NAV1: variants seen among roughly 807,000 people sequenced by gnomAD.
NAV1 encodes the protein neuron navigator 1.
NAV1 carries 18 observed loss-of-function variants against 175.2 expected under a neutral mutation model. The ratio of observed to expected loss-of-function variants is 0.10; its 90% CI spans 0.07 to 0.15. NAV1 has a LOEUF of 0.15. Among genes scored for constraint, NAV1 ranks in the 10% least tolerant of loss-of-function variants. NAV1 has a pLI of 1.00. For synonymous variants in NAV1, 897 were observed against 978.7 expected, an observed-to-expected ratio of 0.92 and a Z score of 1.56; for missense variants, 1,731 against 2,436.6, an observed-to-expected ratio of 0.71 and a Z score of 6.10.
At chr1:201,679,708 C>G (rs1571880032) in intron 1 of NAV1, among the ~76,000 whole-genome samples, 1 of 152,274 alleles carries the variant, frequency 6.6e-6, no homozygotes, top group South Asian at 2.1e-4. Context: ...TGAAGTCATC[C>G]AGCTAGTAAG....
At chr1:201,707,912 C>A (rs184234131) in intron 1 of NAV1, among the ~76,000 whole-genome samples, 2 of 152,254 alleles carry the variant, frequency 1.3e-5, no homozygotes, top group East Asian at 3.9e-4. Context: ...TTTTGAAACA[C>A]CATATTGTAG....
chr1:201,808,463 TGAG>T lies in NAV1; in HGVS notation c.3901_3903del (p.Glu1301del), dbSNP rs1322278312. 1.2e-6 allele frequency: 2 copies of T among 1,614,066 alleles called. No homozygotes were observed. Among genetic ancestry groups the T allele is most frequent in the South Asian group, 1.1e-5 (1 of 91,058 alleles). ...CCCACACTAGGCTGTTCCATGCAAA[TGAG>T]GAGGAGGAGCCAGAGAAGAAGGAGG... On this transcript the variant is annotated inframe_deletion, in exon 19 of 30. Transcript: ENST00000367296. This position sits in a 1 kb window ranked among gnomAD's most constrained non-coding sequence, Gnocchi z 5.5.
At chr1:201,756,882 T>C (rs546837538) in intron 3 of NAV1, among the ~76,000 whole-genome samples, 5 of 125,126 alleles carry the variant, frequency 4.0e-5, no homozygotes, top group East Asian at 2.0e-4. Context: ...CTTTCTTTCT[T>C]TCTCTGTCTT....
intron 1 of NAV1, among the ~76,000 whole-genome samples, chr1:201,710,220 T>C (rs192091491): frequency 1.3e-5 from 2 of 152,144 alleles, no homozygotes; most frequent in Non-Finnish European, 2.9e-5. Flanking sequence ...TTTACTTTTT[T>C]TCATGGGTTT....
intron 1 of NAV1, among the ~76,000 whole-genome samples, chr1:201,551,749 G>C (rs539749542): frequency 6.6e-6 from 1 of 152,110 alleles, no homozygotes; most frequent in Non-Finnish European, 1.5e-5. Context: ...AAAGTGTTAC[G>C]TTTTGAGGTT....
chr1:201,668,716 C>T (rs1669924767), intron 1 of NAV1, among the ~76,000 whole-genome samples: 1 of 152,184 alleles, frequency 6.6e-6, no homozygotes, highest in Non-Finnish European at 1.5e-5. Flanking sequence ...AAAATTGACA[C>T]TGGTTCCTAG....
intron 3 of NAV1, among the ~76,000 whole-genome samples, chr1:201,731,744 C>T (rs959801699): frequency 5.3e-5 from 8 of 152,200 alleles, no homozygotes; most frequent in Non-Finnish European, 1.0e-4. Context: ...ACTATCTACA[C>T]ATACATGGCC....
intron 2 of NAV1, among the ~76,000 whole-genome samples, chr1:201,605,724 A>G (rs1667655423): frequency 6.6e-6 from 1 of 152,208 alleles, no homozygotes; most frequent in Non-Finnish European, 1.5e-5. Context: ...CTTTCCAATA[A>G]GCCATAGGTG....
At position 201,790,872 on chromosome 1, in the gene NAV1, G is replaced by A. The variant is rs1027602419; in HGVS notation, c.3321+106G>A. 54 of 1,027,228 alleles carry A rather than the reference G, an allele frequency of 5.3e-5. No homozygotes were observed. The Admixed American group carries it at 1.1e-3, about 21-fold the overall frequency. 63.6% of individuals were successfully genotyped at this position (1,027,228 alleles called of 1,614,324 possible). A position where few individuals can be genotyped will look rare whatever the true frequency, so the allele number is the denominator to read the frequency against. On this transcript the variant is annotated intron_variant, in intron 13 of 29. Transcript: ENST00000367296. ...CCTGGTAAGGTATCCCCTGGACTGA[G>A]ACGTCAAGGGCATGCGTCTTCTTCA...
chr1:201,590,274 G>C (rs1157354951), intron 2 of NAV1, among the ~76,000 whole-genome samples: 1 of 152,200 alleles, frequency 6.6e-6, no homozygotes, highest in Admixed American at 6.5e-5. Context: ...CATGCCACTA[G>C]TAAGCGATGG....
intron 3 of NAV1, among the ~76,000 whole-genome samples, chr1:201,745,163 T>C (rs1375609835): frequency 6.6e-6 from 1 of 152,194 alleles, no homozygotes; most frequent in African/African-American, 2.4e-5. Flanking sequence ...TCTTGGACGT[T>C]TACATCTTAG....
chr1:201,800,440 T>A (rs1168940899), intron 15 of NAV1, among the ~76,000 whole-genome samples: 1 of 152,260 alleles, frequency 6.6e-6, no homozygotes, highest in Non-Finnish European at 1.5e-5. Flanking sequence ...ACTCTGTTTG[T>A]AAATAAAGTT....
rs56994916 is a variant in NAV1, at chr1:201,799,176, C to CTGTG, written c.3518-4400_3518-4397dup. On this transcript the variant is annotated intron_variant, in intron 15 of 29. Coordinates refer to ENST00000367296, the Ensembl canonical transcript of NAV1. ...ACTTATTTTCAAATTGTTCAAGAAA[C>CTGTG]TGTGTGTGTGTGTGTGTGTGGAGAG... is the stretch of plus-strand genomic sequence containing the variant. 9.8e-3 allele frequency among the ~76,000 whole-genome samples: 1,472 copies of CTGTG among 150,566 alleles called. 15 individuals are homozygous for CTGTG. The highest frequency in any genetic ancestry group is 0.027 in the African/African-American group (1,110 of 41,048).
At chr1:201,574,835 G>A (rs532429827) in intron 1 of NAV1, among the ~76,000 whole-genome samples, 2 of 152,356 alleles carry the variant, frequency 1.3e-5, no homozygotes, top group African/African-American at 2.4e-5. Context: ...TCAGGTGGAA[G>A]GAAGGAGAGC....
At chr1:201,783,975 A>T in intron 7 of NAV1, 123 bp downstream of exon 11, 1 of 854,166 alleles carries the variant, frequency 1.2e-6, no homozygotes, top group South Asian at 1.9e-5. Flanking sequence ...CACATATATT[A>T]AGTAATTTAA....
Position 201,664,937 on chromosome 1 carries a change from C to T in NAV1, c.757+15512C>T, listed in dbSNP as rs183712566. 1.1e-3 allele frequency among the ~76,000 whole-genome samples: 174 copies of T among 152,286 alleles called. 1 individual carries two copies. The highest frequency in any genetic ancestry group is 4.1e-3 in the African/African-American group (169 of 41,544). On this transcript the variant is annotated intron_variant, in intron 1 of 29. Coordinates refer to ENST00000367296, the Ensembl canonical transcript of NAV1. Reference sequence around the variant, plus strand: ...CTTGGGCCCAGGTGTCCTTGGGTTACTGGGTGACTTGCTTTTCAGGTCCTG... The same window carrying T: ...CTTGGGCCCAGGTGTCCTTGGGTTATTGGGTGACTTGCTTTTCAGGTCCTG...
intron 1 of NAV1, among the ~76,000 whole-genome samples, chr1:201,711,809 G>A (rs141398387): frequency 6.6e-6 from 1 of 152,356 alleles, no homozygotes; most frequent in African/African-American, 2.4e-5. Context: ...TTAGGGCCCA[G>A]GGTGGTGCCT....
chr1:201,773,648 T>G (rs1315472025), intron 3 of NAV1, among the ~76,000 whole-genome samples: 1 of 152,186 alleles, frequency 6.6e-6, no homozygotes, highest in Non-Finnish European at 1.5e-5. Context: ...GTTGAAGACA[T>G]ACCTAAGTTT....
chr1:201,799,210 A>G (rs1677681596), intron 15 of NAV1, among the ~76,000 whole-genome samples: 1 of 152,048 alleles, frequency 6.6e-6, no homozygotes, highest in Admixed American at 6.6e-5. Context: ...AGAGAGAGAG[A>G]AAGCAAATAA....
Sources: allele counts gnomAD v4.1 joint callset (sites outside exome capture counted in the v4.1 genomes callset), GRCh38; gene constraint gnomAD v4.1.1; non-coding constraint Gnocchi (gnomAD v3.1); transcripts MANE v1.5; gene names NCBI Gene and HGNC (gene_info 2026-07-23, HGNC 2026-07-21).